The following TCF4 variants were observed in gnomAD, a reference collection of about 807,000 sequenced individuals.
The protein encoded by TCF4 is SL3-3 enhancer factor 2.
A neutral mutation model predicts 82.1 loss-of-function variants in TCF4; 3 were observed. The ratio of observed to expected loss-of-function variants is 0.04; its 90% confidence interval spans 0.02 to 0.09. TCF4 has a LOEUF of 0.09. Among genes scored for constraint, TCF4 ranks in the 10% least tolerant of loss-of-function variants. The probability of loss-of-function intolerance (pLI) is 1.00; values close to 1 mark genes in which losing one functional copy is unlikely to be tolerated. For missense variants in TCF4, 518 were observed against 852.7 expected, an observed-to-expected ratio of 0.61 and a Z score of 4.89; for synonymous variants, 276 against 309.6, an observed-to-expected ratio of 0.89 and a Z score of 1.14.
upstream of TCF4, chr18:55,589,566 T>C: frequency 9.6e-7 from 1 of 1,041,470 alleles, no homozygotes; most frequent in South Asian, 4.6e-5. Context: ...TTCTTATTGT[T>C]TATAAAAAAA....
At chr18:55,514,095 A>G (rs1196358244) in intron 3 of TCF4, among the ~76,000 whole-genome samples, 1 of 152,206 alleles carries the variant, frequency 6.6e-6, no homozygotes, top group Non-Finnish European at 1.5e-5. Flanking sequence ...CTCTTCTGAA[A>G]GATCAAAGAT....
At chr18:55,401,312 T>C (rs2093802324) in intron 6 of TCF4, 59 of 1,174,574 alleles carry the variant, frequency 5.0e-5, no homozygotes, top group Non-Finnish European at 6.3e-5. Context: ...TTTATGGAGA[T>C]TGCTGCGACC....
intron 8 of TCF4, among the ~76,000 whole-genome samples, chr18:55,286,824 G>A (rs189970842): frequency 8.5e-5 from 13 of 152,244 alleles, no homozygotes; most frequent in East Asian, 7.7e-4. Flanking sequence ...GTTAAAGGGC[G>A]ATCTCCATTA....
chr18:55,589,912 G>A (rs1224950227), upstream of TCF4: 4 of 860,456 alleles, frequency 4.6e-6, no homozygotes, highest in Middle Eastern at 5.7e-4. Flanking sequence ...TAGAGAGGCG[G>A]CCAAGATGGC....
At chr18:55,594,922 C>T (rs997994078) in intron 2 of TCF4, among the ~76,000 whole-genome samples, 8 of 152,140 alleles carry the variant, frequency 5.3e-5, no homozygotes, top group Admixed American at 2.6e-4. Flanking sequence ...GATCTGCATG[C>T]GCTGAACTTT....
chr18:55,553,058 T>C (rs762399310), intron 3 of TCF4, among the ~76,000 whole-genome samples: 2 of 152,226 alleles, frequency 1.3e-5, no homozygotes, highest in Non-Finnish European at 2.9e-5. Flanking sequence ...ATATTCCCAC[T>C]GCTCAGGAGC....
At chr18:55,529,128 A>G (rs932556169) in intron 3 of TCF4, among the ~76,000 whole-genome samples, 2 of 152,224 alleles carry the variant, frequency 1.3e-5, no homozygotes, top group African/African-American at 4.8e-5. Context: ...CAGTGAGCCA[A>G]GATCGTGCCA....
intron 3 of TCF4, among the ~76,000 whole-genome samples, chr18:55,583,044 T>G (rs915730169): frequency 1.3e-5 from 2 of 152,182 alleles, no homozygotes; most frequent in African/African-American, 2.4e-5. Context: ...GTTCAAATAC[T>G]ATCTTGATAG....
At chr18:55,349,293 T>A (rs1237517822) in intron 8 of TCF4, among the ~76,000 whole-genome samples, 1 of 152,166 alleles carries the variant, frequency 6.6e-6, no homozygotes, top group Non-Finnish European at 1.5e-5. Flanking sequence ...ATTGTTTGGA[T>A]GAGCTGAACT....
At chr18:55,632,286 C>T (rs1181181755) in intron 1 of TCF4, among the ~76,000 whole-genome samples, 2 of 152,186 alleles carry the variant, frequency 1.3e-5, no homozygotes, top group African/African-American at 4.8e-5. Context: ...GATTCACTCG[C>T]CTCGGCCTCC....
chr18:55,511,330 T>TAAAAAAAAAAAAAAA (rs751932079), intron 3 of TCF4, among the ~76,000 whole-genome samples: 2 of 73,072 alleles, frequency 2.7e-5, no homozygotes, highest in Non-Finnish European at 6.6e-5. Flanking sequence ...TTCCAAAAGT[T>TAAAAAAAAAAAAAAA]TAAAAAAAAA....
intron 2 of TCF4, among the ~76,000 whole-genome samples, chr18:55,595,760 T>C (rs1035098678): frequency 6.6e-6 from 1 of 152,192 alleles, no homozygotes. Context: ...CATAAAACTG[T>C]TTTTTCTATT....
chr18:55,283,680 T>G (rs2063083789), intron 8 of TCF4, among the ~76,000 whole-genome samples: 1 of 152,186 alleles, frequency 6.6e-6, no homozygotes, highest in Admixed American at 6.5e-5. Context: ...AACTAGGCAA[T>G]CTTGGACCAG....
intron 3 of TCF4, among the ~76,000 whole-genome samples, chr18:55,583,316 T>G (rs1022490769): frequency 6.6e-6 from 1 of 152,074 alleles, no homozygotes; most frequent in Non-Finnish European, 1.5e-5. Context: ...TCTCCAGGTT[T>G]GCATGCATGA....
rs143953038 is a variant in TCF4, at chr18:55,310,838, G to A, written c.550-31182C>T. Reference sequence around the variant, plus strand: ...TCTTCTTTCCACTTTATGTCCTGTAGGGAAAAAATGGTAATACACTTCCTC... The same window carrying A: ...TCTTCTTTCCACTTTATGTCCTGTAAGGAAAAAATGGTAATACACTTCCTC... On this transcript the variant is annotated intron_variant, in intron 8 of 19. Transcript: ENST00000354452. Among the ~76,000 whole-genome samples the A allele has an allele frequency of 1.7e-3, 254 of 152,218 alleles. 1 individual carries two copies. Among genetic ancestry groups the A allele is most frequent in the African/African-American group, 5.6e-3 (233 of 41,544 alleles).
intron 2 of TCF4, among the ~76,000 whole-genome samples, chr18:55,596,654 C>G (rs1277314435): frequency 6.6e-6 from 1 of 152,036 alleles, no homozygotes; most frequent in African/African-American, 2.4e-5. Flanking sequence ...GAGAAGAACA[C>G]GTTTCTTTAA....
intron 8 of TCF4, chr18:55,321,338 G>T: frequency 6.2e-6 from 2 of 321,116 alleles, no homozygotes; most frequent in South Asian, 4.4e-5. Flanking sequence ...CATTTGGAAG[G>T]AATAAGAATT....
chr18:55,443,103 T>C lies in TCF4; in HGVS notation c.304+17916A>G, dbSNP rs530704411. On this transcript the variant is annotated intron_variant, in intron 5 of 19. Coordinates refer to ENST00000354452, the MANE Select transcript of TCF4 (RefSeq NM_001083962.2). ...CGTTTACTATAAAAACAAGTCAGGT[T>C]CATCTAACCTTGGTTCGGGTCAACC... 7.3e-4 allele frequency among the ~76,000 whole-genome samples: 111 copies of C among 152,324 alleles called. 1 individual carries two copies. Among genetic ancestry groups the C allele is most frequent in the African/African-American group, 2.6e-3 (109 of 41,570 alleles).
At chr18:55,293,172 C>A (rs1018759283) in intron 8 of TCF4, among the ~76,000 whole-genome samples, 1 of 152,018 alleles carries the variant, frequency 6.6e-6, no homozygotes, top group South Asian at 2.1e-4. Context: ...GTAGTGGGCC[C>A]TTAAGTTACA....
Sources: gnomAD v4.1 joint callset for allele counts (sites outside exome capture counted in the v4.1 genomes callset) on GRCh38, gnomAD v4.1.1 for gene constraint, MANE v1.5 for transcripts, NCBI Gene and HGNC (gene_info 2026-07-23, HGNC 2026-07-21) for gene names.